Variants in GJB6 observed in about 807,000 individuals in gnomAD.
The protein encoded by GJB6 is gap junction beta-6 protein.
A neutral mutation model predicts 5.4 loss-of-function variants in GJB6; 5 were observed. The ratio of observed to expected loss-of-function variants is 0.92; its 90% CI spans 0.48 to 1.93. The LOEUF is 1.93. GJB6 is among the 30% of genes most tolerant of loss of function. GJB6 has a pLI of 0.01. For synonymous variants in GJB6, 136 were observed against 129.6 expected (o/e 1.05, Z -0.34); for missense variants, 298 against 326.9 (o/e 0.91, Z 0.68).
At chr13:20,225,438 A>G (rs1009666673) in intron 4 of GJB6, 1 of 152,168 alleles carries the variant, frequency 6.6e-6, no homozygotes, top group Non-Finnish European at 1.5e-5. Flanking sequence ...ATCAATGGAC[A>G]CTGGGTTGCT....
chr13:20,222,936 A>G lies in GJB6; in HGVS notation c.545T>C (p.Ile182Thr). The G allele has an allele frequency of 1.9e-6, 3 of 1,614,204 alleles. No homozygotes were observed. The highest frequency in any genetic ancestry group is 2.5e-6 in the Non-Finnish European group (3 of 1,180,030). ...DPCPNLVDCFISRPTEKTVFT... is the reference protein window; with the variant it reads ...DPCPNLVDCFTSRPTEKTVFT... ...CACGGTCTTCTCTGTTGGCCTAGAA[A>G]TAAAGCAGTCAACAAGGTTGGGGCA... The change falls in exon 5 of 5, where the codon ATT becomes ACT. Residue 182 changes from isoleucine (I) to threonine (T), a missense_variant. Coordinates refer to ENST00000647029, the MANE Select transcript of GJB6 (RefSeq NM_001110219.3).
chr13:20,227,882 A>G (rs1361969084), intron 4 of GJB6, among the ~76,000 whole-genome samples: 3 of 152,152 alleles, frequency 2.0e-5, no homozygotes, highest in Admixed American at 2.0e-4. Flanking sequence ...AGACTCAGCA[A>G]GTTTTAAGGA....
chr13:20,223,459 T>C lies in GJB6; in HGVS notation c.22A>G (p.Thr8Ala). Residue 8 changes from threonine to alanine, a missense_variant, in exon 5 of 5, where the codon ACT (threonine) becomes GCT (alanine). Transcript: ENST00000647029. ...TGTTTGTTGACACCCCCGATGAAAG[T>C]GTGCAGCGTCCCCCAATCCATTGCG... MDWGTLHTFIGGVNKHST... is the reference protein window; with the variant it reads MDWGTLHAFIGGVNKHST... 1 of 1,614,094 alleles carries C rather than the reference T, an allele frequency of 6.2e-7. No homozygotes were observed. Among genetic ancestry groups the C allele is most frequent in the Non-Finnish European group, 8.5e-7 (1 of 1,179,962 alleles).
Position 20,222,430 on chromosome 13 carries a change from A to G in GJB6, c.*265T>C. The G allele has an allele frequency of 2.2e-6, 1 of 458,028 alleles. No individual in the cohort carries two copies. The highest frequency in any genetic ancestry group is 3.9e-6 in the Non-Finnish European group (1 of 257,424). The allele number at this position is 458,028 out of a possible 1,614,324, so 28.4% of individuals were successfully genotyped here. ...ATTTTCAGAAAGTACCCACTTTGTC[A>G]GAGAGTCCACTTAAAAGGAACCTGT... On this transcript the variant is annotated 3_prime_UTR_variant, in exon 5 of 5. Transcript: ENST00000647029.
In GJB6 at chr13:20,231,489, G is replaced by GT. The variant is rs1374210428; in HGVS notation, c.-404dup. On this transcript the variant is annotated 5_prime_UTR_variant, in exon 2 of 5. Coordinates refer to ENST00000647029, the MANE Select transcript of GJB6 (RefSeq NM_001110219.3). ...CTTCACCGACAGGAAGTGCCTTCTG[G>GT]TGCCTGCACGTTTTAACTAAGATGT... is the stretch of plus-strand genomic sequence containing the variant. The GT allele has an allele frequency of 6.6e-6, 1 of 152,168 alleles. No individual in the cohort carries two copies. Among genetic ancestry groups the GT allele is most frequent in the African/African-American group, 2.4e-5 (1 of 41,436 alleles). 9.4% of individuals were successfully genotyped at this position (152,168 alleles called of 1,614,324 possible).
At chr13:20,227,234 A>G (rs1486797943) in intron 4 of GJB6, among the ~76,000 whole-genome samples, 1 of 152,106 alleles carries the variant, frequency 6.6e-6, no homozygotes, top group South Asian at 2.1e-4. Context: ...AGGGTGTTCT[A>G]TCAACATAGC....
rs1003984013 is a variant in GJB6, at chr13:20,232,317, G to A, written c.-543C>T. The A allele has an allele frequency of 3.9e-5, 6 of 152,172 alleles. No individual in the cohort carries two copies. Among genetic ancestry groups the A allele is most frequent in the African/African-American group, 1.2e-4 (5 of 41,534 alleles). 9.4% of individuals were successfully genotyped at this position (152,172 alleles called of 1,614,324 possible). ...GGGCTCTCGTCGGGTTTCGGGTGAAGGCCCCGGCTCCCACCTGCTGCGCCT... is the reference window on the plus strand; with the variant it reads ...GGGCTCTCGTCGGGTTTCGGGTGAAAGCCCCGGCTCCCACCTGCTGCGCCT... On this transcript the variant is annotated 5_prime_UTR_variant, in exon 1 of 5. Coordinates refer to ENST00000647029, the MANE Select transcript of GJB6 (RefSeq NM_001110219.3).
chr13:20,232,026 G>C (rs1482653872), intron 1 of GJB6, 168 bp downstream of exon 1: 2 of 152,312 alleles, frequency 1.3e-5, no homozygotes, highest in African/African-American at 2.4e-5. Flanking sequence ...TCCCGGCCGC[G>C]CTCTGCCGGC....
Position 20,222,643 on chromosome 13 carries a change from TGGA to T in GJB6, c.*49_*51del. The T allele has an allele frequency of 6.6e-7, 1 of 1,513,066 alleles. No homozygotes were observed. The highest frequency in any genetic ancestry group is 9.2e-7 in the Non-Finnish European group (1 of 1,087,830). The allele number at this position is 1,513,066 out of a possible 1,614,324, so 93.7% of individuals were successfully genotyped here. ...GAACTTTCAGGTTGGTATTGCCTTC[TGGA>T]GAAGACAGAAGTCTCCTTATGACGC... On this transcript the variant is annotated 3_prime_UTR_variant, in exon 5 of 5. Coordinates refer to ENST00000647029, the MANE Select transcript of GJB6 (RefSeq NM_001110219.3).
At chr13:20,229,506 T>C (rs1344588506) in intron 4 of GJB6, 74 bp downstream of exon 4, 3 of 151,802 alleles carry the variant, frequency 2.0e-5, no homozygotes, top group Admixed American at 6.6e-5. Context: ...CCTCCCAATT[T>C]CGAAGTTAGC....
chr13:20,222,548 T>A lies in GJB6; in HGVS notation c.*147A>T. On this transcript the variant is annotated 3_prime_UTR_variant, in exon 5 of 5. Coordinates refer to ENST00000647029, the MANE Select transcript of GJB6 (RefSeq NM_001110219.3). ...ACGTTGTGTATGAATGGAGCAAGTATCCTACAAAAAGTTAACTCAAGTGTC... is the reference window on the plus strand; with the variant it reads ...ACGTTGTGTATGAATGGAGCAAGTAACCTACAAAAAGTTAACTCAAGTGTC... 3 of 686,662 alleles carry A rather than the reference T, an allele frequency of 4.4e-6. No individual in the cohort carries two copies. The South Asian group carries it at 5.1e-5, about 12-fold the overall frequency. 42.5% of individuals were successfully genotyped at this position (686,662 alleles called of 1,614,324 possible).
At chr13:20,231,804 A>T (rs1870100375) in intron 1 of GJB6, among the ~76,000 whole-genome samples, 2 of 152,260 alleles carry the variant, frequency 1.3e-5, no homozygotes, top group Non-Finnish European at 2.9e-5. Context: ...GACACACGAT[A>T]TGAAACCTTC....
At chr13:20,227,471 C>T (rs1462519545) in intron 4 of GJB6, among the ~76,000 whole-genome samples, 1 of 152,152 alleles carries the variant, frequency 6.6e-6, no homozygotes, top group Non-Finnish European at 1.5e-5. Context: ...CCCTGTTATT[C>T]CTAACAGCAG....
chr13:20,230,543 T>G (rs1870012477), intron 3 of GJB6, among the ~76,000 whole-genome samples, 155 bp downstream of exon 3: 2 of 152,250 alleles, frequency 1.3e-5, no homozygotes, highest in African/African-American at 4.8e-5. Flanking sequence ...TCTATGCTCA[T>G]GCACTAAGCA....
Position 20,223,099 on chromosome 13 carries a change from T to C in GJB6, c.382A>G (p.Ile128Val), listed in dbSNP as rs766791253. Residue 128 changes from isoleucine to valine, a missense_variant, in exon 5 of 5, where the codon ATA becomes GTA. Coordinates refer to ENST00000647029, the MANE Select transcript of GJB6 (RefSeq NM_001110219.3). ...IEDIKKQKVR[I>V]EGSLWWTYTS... ...TACGTCCACCACAGCGACCCCTCTA[T>C]CCGAACCTTCTGCTTTTTAATGTCC... 1 of 1,613,934 alleles carries C rather than the reference T, an allele frequency of 6.2e-7. No homozygotes were observed. The highest frequency in any genetic ancestry group is 1.7e-5 in the Admixed American group (1 of 60,026).
rs1869250828 is a variant in GJB6 at position 20,222,666 on chromosome 13, T to G, written c.*29A>C. ...TCTGGAGAAGACAGAAGTCTCCTTA[T>G]GACGCAGCTACATTTTACCTTGAAA... On this transcript the variant is annotated 3_prime_UTR_variant, in exon 5 of 5. Coordinates refer to ENST00000647029, the MANE Select transcript of GJB6 (RefSeq NM_001110219.3). The G allele has an allele frequency of 1.2e-6, 2 of 1,601,990 alleles. No individual in the cohort carries two copies. Among genetic ancestry groups the G allele is most frequent in the Non-Finnish European group, 1.7e-6 (2 of 1,168,944 alleles).
intron 4 of GJB6, among the ~76,000 whole-genome samples, chr13:20,223,761 C>T (rs145073086): frequency 6.6e-6 from 1 of 151,910 alleles, no homozygotes; most frequent in Non-Finnish European, 1.5e-5. Context: ...GTCAGGAGAT[C>T]GAGACCATCC....
intron 3 of GJB6, 43 bp from the exon 4 acceptor site, chr13:20,229,792 T>TCCCCCCCCCCCCCCCCCCCC (rs56771888): frequency 1.8e-4 from 13 of 72,814 alleles, no homozygotes; most frequent in Non-Finnish European, 2.4e-4. Context: ...TTCCTTTAAC[T>TCCCCCCCCCCCCCCCCCCCC]CCCCCCCCCC....
intron 4 of GJB6, among the ~76,000 whole-genome samples, chr13:20,228,764 A>C (rs139007640): frequency 1.3e-5 from 2 of 152,084 alleles, no homozygotes; most frequent in African/African-American, 2.4e-5. Flanking sequence ...GATTACAAGC[A>C]TGAGCCACCG....
Sources: allele counts gnomAD v4.1 joint callset (sites outside exome capture counted in the v4.1 genomes callset), GRCh38; gene constraint gnomAD v4.1.1; transcripts MANE v1.5; gene names NCBI Gene and HGNC (gene_info 2026-07-23, HGNC 2026-07-21).